Variants in PDE1C observed in about 807,000 individuals in gnomAD.
PDE1C encodes the protein dual specificity calcium/calmodulin-dependent 3',5'-cyclic nucleotide phosphodiesterase 1C.
In PDE1C, 62 loss-of-function variants were observed where a neutral mutation model predicts 93.1. The observed-to-expected ratio is 0.67, with a 90% CI of 0.54 to 0.82. The LOEUF (loss-of-function observed/expected upper bound fraction) is 0.82, where lower values mean the gene tolerates loss of function less well. Among genes scored for constraint, PDE1C ranks in the 40% least tolerant of loss-of-function variants. The pLI is 0.00. For synonymous variants in PDE1C, 325 were observed against 310.1 expected (o/e 1.05, Z -0.50); for missense variants, 742 against 884.6 (o/e 0.84, Z 2.04).
intron 3 of PDE1C, among the ~76,000 whole-genome samples, chr7:32,080,867 G>C (rs1384732977): frequency 6.6e-6 from 1 of 152,080 alleles, no homozygotes; most frequent in Non-Finnish European, 1.5e-5. Context: ...GACCCTGAAG[G>C]CACTGTGACT....
the PDE1C span, chr7:31,651,241 T>G: frequency 6.2e-7 from 1 of 1,613,312 alleles, no homozygotes. Context: ...GCAGGCCCTC[T>G]TTTCCAGGGA....
the PDE1C span, among the ~76,000 whole-genome samples, chr7:31,727,097 T>C: frequency 6.6e-6 from 1 of 152,102 alleles, no homozygotes; most frequent in African/African-American, 2.4e-5. Flanking sequence ...CCTTATTTTC[T>C]GGCAGCATCC....
intron 1 of PDE1C, among the ~76,000 whole-genome samples, chr7:32,263,722 T>A (rs1178519683): frequency 6.6e-6 from 1 of 152,218 alleles, no homozygotes; most frequent in Admixed American, 6.5e-5. Flanking sequence ...TTGTCTTTTA[T>A]GACATTGAGA....
At chr7:31,657,054 C>CAT in the PDE1C span, among the ~76,000 whole-genome samples, 242 of 136,818 alleles carry the variant, frequency 1.8e-3, 1 homozygote, top group African/African-American at 6.6e-3. Flanking sequence ...CACACACACA[C>CAT]GCACTATATA....
At chr7:32,340,787 A>G (rs954376424) in intron 1 of PDE1C, among the ~76,000 whole-genome samples, 1 of 152,244 alleles carries the variant, frequency 6.6e-6, no homozygotes, top group East Asian at 1.9e-4. Flanking sequence ...ATTCTAGAAA[A>G]GAAAATACAA....
chr7:31,908,986 T>C (rs1800914558), intron 2 of PDE1C, among the ~76,000 whole-genome samples: 1 of 152,214 alleles, frequency 6.6e-6, no homozygotes, highest in Non-Finnish European at 1.5e-5. Context: ...ATCTTCAACC[T>C]TGCCTGAGAG....
intron 1 of PDE1C, among the ~76,000 whole-genome samples, chr7:32,384,302 T>C (rs942250344): frequency 2.0e-5 from 3 of 152,214 alleles, no homozygotes; most frequent in African/African-American, 7.2e-5. Flanking sequence ...ATCCAGGATG[T>C]TCTCAGCAGC....
At chr7:31,760,556 T>C (rs1048057205) in intron 17 of PDE1C, among the ~76,000 whole-genome samples, 1 of 152,176 alleles carries the variant, frequency 6.6e-6, no homozygotes, top group African/African-American at 2.4e-5. Flanking sequence ...GTGGAGGTTT[T>C]CTGAACCTCT....
chr7:31,721,674 A>G, the PDE1C span, among the ~76,000 whole-genome samples: 1 of 152,196 alleles, frequency 6.6e-6, no homozygotes, highest in Non-Finnish European at 1.5e-5. Context: ...TAATCAACAT[A>G]ATGGAATTTG....
chr7:32,059,852 G>A (rs1794595514), intron 1 of PDE1C, among the ~76,000 whole-genome samples: 1 of 152,186 alleles, frequency 6.6e-6, no homozygotes. Flanking sequence ...AGCCCAAGTA[G>A]TACGTTTTTT....
intron 1 of PDE1C, among the ~76,000 whole-genome samples, chr7:32,395,199 G>A (rs889647816): frequency 3.3e-5 from 5 of 152,108 alleles, no homozygotes; most frequent in Non-Finnish European, 1.5e-5. Context: ...ATACAAAGAT[G>A]GGGAGAAACA....
At chr7:32,157,429 A>G (rs1801643578) in intron 3 of PDE1C, among the ~76,000 whole-genome samples, 1 of 152,232 alleles carries the variant, frequency 6.6e-6, no homozygotes, top group African/African-American at 2.4e-5. Context: ...GTATCAAAAT[A>G]TCACATGTAC....
At chr7:32,357,289 G>A (rs375410924) in intron 1 of PDE1C, among the ~76,000 whole-genome samples, 2 of 150,932 alleles carry the variant, frequency 1.3e-5, no homozygotes, top group South Asian at 2.1e-4. Context: ...AGCAGAGATC[G>A]CACCACTGCA....
chr7:31,984,165 C>A (rs1371775267), intron 2 of PDE1C, among the ~76,000 whole-genome samples: 3 of 152,144 alleles, frequency 2.0e-5, no homozygotes, highest in African/African-American at 4.8e-5. Flanking sequence ...TGTTAGGAAC[C>A]AGACAGCAGG....
intron 1 of PDE1C, among the ~76,000 whole-genome samples, chr7:32,387,206 C>A (rs1378678273): frequency 1.3e-5 from 2 of 151,822 alleles, no homozygotes; most frequent in African/African-American, 4.8e-5. Context: ...GGTCACAGAT[C>A]AACAGGATCC....
chr7:32,216,337 A>G (rs1584975906), intron 1 of PDE1C, among the ~76,000 whole-genome samples: 1 of 152,004 alleles, frequency 6.6e-6, no homozygotes, highest in East Asian at 1.9e-4. Flanking sequence ...AGCACTTATC[A>G]CCTTCTCATA....
chr7:32,035,111 C>T (rs556131314), intron 2 of PDE1C, among the ~76,000 whole-genome samples: 12 of 152,218 alleles, frequency 7.9e-5, no homozygotes, highest in South Asian at 4.2e-4. Flanking sequence ...CAAAAGCCAC[C>T]GAAATCCAAC....
chr7:31,659,627 A>G, the PDE1C span, among the ~76,000 whole-genome samples: 1 of 152,200 alleles, frequency 6.6e-6, no homozygotes, highest in African/African-American at 2.4e-5. Context: ...GAATAAATGT[A>G]GAGCCATACA....
At chr7:32,267,576 A>AC in intron 1 of PDE1C, among the ~76,000 whole-genome samples, 1 of 77,986 alleles carries the variant, frequency 1.3e-5, no homozygotes, top group East Asian at 3.3e-4. Flanking sequence ...TCTCTCTCAC[A>AC]CACACACACA....
Sources: gnomAD v4.1 joint callset for allele counts (sites outside exome capture counted in the v4.1 genomes callset) on GRCh38, gnomAD v4.1.1 for gene constraint, MANE v1.5 for transcripts, NCBI Gene and HGNC (gene_info 2026-07-23, HGNC 2026-07-21) for gene names.